IKZF2: variants seen among roughly 807,000 people sequenced by gnomAD.
IKZF2 encodes the protein IKAROS family zinc finger 2.
IKZF2 carries 15 observed loss-of-function variants against 49.2 expected under a neutral mutation model. That is an observed-to-expected ratio of 0.30 (90% CI 0.20 to 0.47). The LOEUF is 0.47. Ranked by LOEUF, IKZF2 falls within the 20% of genes least tolerant of loss-of-function variation. The pLI, the probability that IKZF2 is intolerant of heterozygous loss-of-function variation, is 1.00. For missense variants in IKZF2, 567 were observed against 664.6 expected (o/e 0.85, Z 1.61); for synonymous variants, 227 against 221.4 (o/e 1.03, Z -0.23).
chr2:213,058,892 G>T (rs1701423108), intron 4 of IKZF2, among the ~76,000 whole-genome samples: 1 of 151,722 alleles, frequency 6.6e-6, no homozygotes, highest in Non-Finnish European at 1.5e-5. Context: ...TATCTTTCAG[G>T]CCCTATCTCA....
chr2:213,152,269 C>A (rs1193125298), upstream of IKZF2: 1 of 152,192 alleles, frequency 6.6e-6, no homozygotes, highest in South Asian at 2.1e-4. Flanking sequence ...GTCCGGGAGC[C>A]GCGTCCCGGC....
Position 213,009,530 on chromosome 2 carries a change from G to A in IKZF2, c.857-1446C>T, listed in dbSNP as rs117611439. The stretch of plus-strand genomic sequence containing the variant: ...TCAGATTGGAAGAAATGGCCCCTAC[G>A]TGAGATCAGTGTAATGATTAGAGTA... On this transcript the variant is annotated intron_variant, in intron 8 of 8. Coordinates refer to ENST00000434687, the MANE Select transcript of IKZF2 (RefSeq NM_001387220.1). 8.0e-3 allele frequency among the ~76,000 whole-genome samples: 1,221 copies of A among 152,174 alleles called. 10 individuals carry two copies. Among genetic ancestry groups the A allele is most frequent in the South Asian group, 0.025 (121 of 4,826 alleles).
intron 4 of IKZF2, among the ~76,000 whole-genome samples, chr2:213,083,924 G>T (rs114485263): frequency 0.025 from 3,840 of 151,910 alleles, 87 homozygotes; most frequent in African/African-American, 0.06. Flanking sequence ...TAGAAACAAA[G>T]TGCACAATAA....
intron 4 of IKZF2, among the ~76,000 whole-genome samples, chr2:213,087,634 T>C (rs1422281128): frequency 1.3e-5 from 2 of 152,128 alleles, no homozygotes; most frequent in Admixed American, 6.5e-5. Flanking sequence ...CCTAATGCTA[T>C]CCCTCTACCC....
intron 4 of IKZF2, among the ~76,000 whole-genome samples, chr2:213,086,194 A>C (rs115926829): frequency 6.6e-6 from 1 of 152,344 alleles, no homozygotes; most frequent in African/African-American, 2.4e-5. Context: ...AGCAATATTC[A>C]ACAATACTTC....
chr2:213,082,926 GTTGC>G, intron 4 of IKZF2, among the ~76,000 whole-genome samples: 1 of 152,252 alleles, frequency 6.6e-6, no homozygotes, highest in East Asian at 1.9e-4. Context: ...GAGGAGAAAT[GTTGC>G]TTTGGTTTGC....
At chr2:213,130,627 C>T (rs1406398716) in intron 4 of IKZF2, among the ~76,000 whole-genome samples, 2 of 152,124 alleles carry the variant, frequency 1.3e-5, no homozygotes, top group African/African-American at 4.8e-5. Flanking sequence ...AGATTGATTA[C>T]CACAAACAGT....
At chr2:213,092,227 C>T (rs7579457) in intron 4 of IKZF2, among the ~76,000 whole-genome samples, 40,719 of 151,936 alleles carry the variant, frequency 0.27, 6,839 homozygotes, top group Non-Finnish European at 0.38. Context: ...TGAGATCTCC[C>T]TATGTTGCCC....
chr2:213,026,115 G>A (rs1475463723), intron 6 of IKZF2, among the ~76,000 whole-genome samples: 1 of 151,810 alleles, frequency 6.6e-6, no homozygotes, highest in Non-Finnish European at 1.5e-5. Context: ...ATACCATCTG[G>A]TCCCAAAGCA....
chr2:213,060,393 T>C (rs1701570274), intron 4 of IKZF2, among the ~76,000 whole-genome samples: 1 of 151,434 alleles, frequency 6.6e-6, no homozygotes, highest in Non-Finnish European at 1.5e-5. Flanking sequence ...GAATTACAAC[T>C]ATTAACCACT....
upstream of IKZF2, among the ~76,000 whole-genome samples, chr2:213,151,918 G>T (rs534987236): frequency 9.0e-3 from 1,357 of 151,276 alleles, 24 homozygotes; most frequent in African/African-American, 0.032. Context: ...CGCTCGGCGC[G>T]CTCGGCAATC....
chr2:213,146,759 C>CGGGGGGG (rs57884895), intron 4 of IKZF2, among the ~76,000 whole-genome samples: 7 of 87,172 alleles, frequency 8.0e-5, no homozygotes, highest in African/African-American at 1.6e-4. Flanking sequence ...ATTAAATCTT[C>CGGGGGGG]GGGGGGGGGG....
At chr2:213,104,119 C>T (rs1228667106) in intron 4 of IKZF2, among the ~76,000 whole-genome samples, 1 of 152,084 alleles carries the variant, frequency 6.6e-6, no homozygotes, top group Non-Finnish European at 1.5e-5. Context: ...GTATTGCAAA[C>T]TTGCAAAACA....
intron 4 of IKZF2, among the ~76,000 whole-genome samples, chr2:213,085,680 C>G (rs1704495289): frequency 6.6e-6 from 1 of 152,136 alleles, no homozygotes. Context: ...ACCTGAAACC[C>G]ATAACATAAT....
At chr2:213,051,588 C>T (rs1019556599) in intron 5 of IKZF2, among the ~76,000 whole-genome samples, 1 of 151,750 alleles carries the variant, frequency 6.6e-6, no homozygotes, top group African/African-American at 2.4e-5. Flanking sequence ...ATCTTTTTTA[C>T]TTTTACACAC....
intron 6 of IKZF2, among the ~76,000 whole-genome samples, chr2:213,046,633 G>A (rs1460686638): frequency 6.6e-6 from 1 of 152,160 alleles, no homozygotes; most frequent in African/African-American, 2.4e-5. Flanking sequence ...ATATGGCATG[G>A]CCATATGGTC....
rs969644015 is a variant in IKZF2 at position 213,150,249 on chromosome 2, T to A, written c.-119-2A>T. On this transcript the variant is annotated splice_acceptor_variant, in intron 1 of 8. Coordinates refer to ENST00000434687, the MANE Select transcript of IKZF2 (RefSeq NM_001387220.1). LOFTEE classifies it low-confidence loss of function (5UTR_SPLICE). ...CAAAGAGGAGGTGACAATGTCGGGCTGAAGATAAACGGAGGGAGAAAGAAA... is the reference window on the plus strand; with the variant it reads ...CAAAGAGGAGGTGACAATGTCGGGCAGAAGATAAACGGAGGGAGAAAGAAA... 2 of 1,144,054 alleles carry A rather than the reference T, an allele frequency of 1.7e-6. No individual in the cohort carries two copies. The highest frequency in any genetic ancestry group is 2.4e-6 in the Non-Finnish European group (2 of 843,840). The allele number at this position is 1,144,054 out of a possible 1,614,324, so 70.9% of individuals were successfully genotyped here.
At chr2:213,028,834 A>T (rs1443368867) in intron 6 of IKZF2, among the ~76,000 whole-genome samples, 1 of 152,096 alleles carries the variant, frequency 6.6e-6, no homozygotes. Context: ...CATGATGAGG[A>T]AGTTCTTTTC....
intron 4 of IKZF2, among the ~76,000 whole-genome samples, chr2:213,143,567 A>C (rs571228629): frequency 3.0e-4 from 46 of 152,016 alleles, no homozygotes; most frequent in Admixed American, 1.6e-3. Flanking sequence ...TTAATTCCCT[A>C]ATAAACAAGA....
Sources: gnomAD v4.1 joint callset for allele counts (sites outside exome capture counted in the v4.1 genomes callset) on GRCh38, gnomAD v4.1.1 for gene constraint, MANE v1.5 for transcripts, NCBI Gene and HGNC (gene_info 2026-07-23, HGNC 2026-07-21) for gene names.